Variants in TSPEAR observed in about 807,000 individuals in gnomAD.
The protein encoded by TSPEAR is thrombospondin-type laminin G domain and EAR repeat-containing protein.
Under a neutral mutation model 71.6 loss-of-function variants are expected in TSPEAR, and 69 were observed. That is an observed-to-expected ratio of 0.96 (90% CI 0.79 to 1.18). TSPEAR has a LOEUF of 1.18. Among genes scored for constraint, TSPEAR ranks in the 50% most tolerant of loss-of-function variants. TSPEAR has a pLI of 0.00. For synonymous variants in TSPEAR, 402 were observed against 387.2 expected, an observed-to-expected ratio of 1.04 and a Z score of -0.45; for missense variants, 971 against 894.9, an observed-to-expected ratio of 1.09 and a Z score of -1.09.
intron 1 of TSPEAR, chr21:44,627,548 A>G (rs782441469): frequency 3.8e-6 from 6 of 1,574,838 alleles, no homozygotes; most frequent in South Asian, 1.2e-5. Flanking sequence ...CAGTCTAGCT[A>G]CCAGCCAGCT....
At chr21:44,538,766 C>G (rs1176187044) in intron 2 of TSPEAR, among the ~76,000 whole-genome samples, 1 of 152,132 alleles carries the variant, frequency 6.6e-6, no homozygotes, top group African/African-American at 2.4e-5. Flanking sequence ...CAGCGAATGA[C>G]CAGGCTCAGG....
At chr21:44,665,777 T>C (rs1985718162) in intron 1 of TSPEAR, among the ~76,000 whole-genome samples, 1 of 152,182 alleles carries the variant, frequency 6.6e-6, no homozygotes. Flanking sequence ...GGACCAGTGA[T>C]GGGAGTGTGT....
intron 9 of TSPEAR, 129 bp downstream of exon 9, chr21:44,521,754 T>C: frequency 1.2e-6 from 1 of 861,910 alleles, no homozygotes; most frequent in Non-Finnish European, 1.8e-6. Flanking sequence ...GGTTTTGGGG[T>C]CACGGGTGCA....
chr21:44,702,149 C>A, intron 1 of TSPEAR: 1 of 1,319,792 alleles, frequency 7.6e-7, no homozygotes, highest in Non-Finnish European at 1.0e-6. Context: ...GGGGTGGAGA[C>A]TGAAGCGATG....
intron 1 of TSPEAR, among the ~76,000 whole-genome samples, chr21:44,569,475 C>T (rs2053758581): frequency 6.6e-6 from 1 of 152,022 alleles, no homozygotes. Context: ...GAAGATGTGG[C>T]AGGACACACC....
chr21:44,643,050 G>A (rs1374595920), intron 1 of TSPEAR, among the ~76,000 whole-genome samples: 1 of 152,164 alleles, frequency 6.6e-6, no homozygotes, highest in African/African-American at 2.4e-5. Flanking sequence ...AAAATGCGGT[G>A]CATATGCATG....
intron 2 of TSPEAR, among the ~76,000 whole-genome samples, chr21:44,553,781 G>C (rs1488177601): frequency 6.6e-6 from 1 of 152,112 alleles, no homozygotes; most frequent in African/African-American, 2.4e-5. Flanking sequence ...GCCTCTCACA[G>C]GCAAGACGAA....
intron 1 of TSPEAR, among the ~76,000 whole-genome samples, chr21:44,663,599 T>G (rs1985607586): frequency 6.6e-6 from 1 of 152,088 alleles, no homozygotes; most frequent in South Asian, 2.1e-4. Flanking sequence ...CCGATTAAAT[T>G]CATAGAGCCA....
chr21:44,519,441 C>CA (rs5844186), intron 9 of TSPEAR: 37,902 of 152,368 alleles, frequency 0.25, 6,810 homozygotes, highest in African/African-American at 0.52. Context: ...TTTCGCATCT[C>CA]AACCTCACCA....
intron 1 of TSPEAR, among the ~76,000 whole-genome samples, chr21:44,626,513 C>T (rs762435): frequency 0.13 from 20,508 of 152,134 alleles, 2,548 homozygotes; most frequent in African/African-American, 0.33. Context: ...ACGATGCTGC[C>T]ATTGTGCCTC....
chr21:44,646,358 AT>A lies in TSPEAR; in HGVS notation c.82+65074del. On this transcript the variant is annotated intron_variant, in intron 1 of 11. Coordinates refer to ENST00000323084, the MANE Select transcript of TSPEAR (RefSeq NM_144991.3). ...TTGGGACAACACATGCCAGGGAGGG[AT>A]TTAAAAGCCCCACAGCCCTGAGCAC... The A allele has an allele frequency of 4.7e-6, 7 of 1,488,068 alleles. No individual in the cohort carries two copies. The South Asian group carries it at 9.3e-5, about 20-fold the overall frequency. The allele number at this position is 1,488,068 out of a possible 1,614,324, so 92.2% of individuals were successfully genotyped here.
intron 1 of TSPEAR, among the ~76,000 whole-genome samples, chr21:44,606,465 G>T: frequency 6.6e-6 from 1 of 152,166 alleles, no homozygotes; most frequent in South Asian, 2.1e-4. Context: ...CAGTATAGCG[G>T]TTCCTCAAAA....
intron 1 of TSPEAR, among the ~76,000 whole-genome samples, chr21:44,598,677 A>G (rs1980534206): frequency 6.6e-6 from 1 of 151,866 alleles, no homozygotes; most frequent in South Asian, 2.1e-4. Flanking sequence ...TATCCTTCTC[A>G]CCTTTTATTG....
At chr21:44,543,473 C>T (rs1450661623) in intron 2 of TSPEAR, among the ~76,000 whole-genome samples, 1 of 152,160 alleles carries the variant, frequency 6.6e-6, no homozygotes, top group African/African-American at 2.4e-5. Context: ...GATGCTAGTA[C>T]TTGGCCGAAT....
Position 44,642,178 on chromosome 21 carries a change from ACCCTG to A in TSPEAR, c.82+69250_82+69254del. Among the ~76,000 whole-genome samples the A allele has an allele frequency of 6.6e-6, 1 of 152,320 alleles. No individual in the cohort carries two copies. Among genetic ancestry groups the A allele is most frequent in the East Asian group, 1.9e-4 (1 of 5,182 alleles). On this transcript the variant is annotated intron_variant, in intron 1 of 11. Coordinates refer to ENST00000323084, the MANE Select transcript of TSPEAR (RefSeq NM_144991.3). This position sits in a 1 kb window ranked among gnomAD's most constrained non-coding sequence, Gnocchi z 4.1. ...GTGTCCTAAAAAATATAAATTACCT[ACCCTG>A]AGTAACAAGACAAAAATTTTAATAC...
At chr21:44,563,906 A>G (rs1555921444) in intron 2 of TSPEAR, among the ~76,000 whole-genome samples, 3 of 152,198 alleles carry the variant, frequency 2.0e-5, no homozygotes, top group South Asian at 2.1e-4. Context: ...CTTCTCTAAC[A>G]TACATATTTT....
At chr21:44,689,250 C>T (rs1844493386) in intron 1 of TSPEAR, among the ~76,000 whole-genome samples, 1 of 152,202 alleles carries the variant, frequency 6.6e-6, no homozygotes, top group South Asian at 2.1e-4. Flanking sequence ...CGCCTGTAAT[C>T]CCAGCACTTT....
intron 4 of TSPEAR, among the ~76,000 whole-genome samples, chr21:44,530,833 G>A (rs931992708): frequency 3.3e-5 from 5 of 152,244 alleles, no homozygotes; most frequent in Non-Finnish European, 7.3e-5. Context: ...GAAGAGGACC[G>A]TTGGGCAGGG....
chr21:44,646,775 A>G, intron 1 of TSPEAR: 1 of 1,613,280 alleles, frequency 6.2e-7, no homozygotes, highest in Non-Finnish European at 8.5e-7. Context: ...GTCTGCTGCA[A>G]GACTGTCTGC....
Sources: gnomAD v4.1 joint callset for allele counts (sites outside exome capture counted in the v4.1 genomes callset) on GRCh38, gnomAD v4.1.1 for gene constraint, Gnocchi (gnomAD v3.1) non-coding constraint, MANE v1.5 for transcripts, NCBI Gene and HGNC (gene_info 2026-07-23, HGNC 2026-07-21) for gene names.